C16orf95: variants seen among roughly 807,000 people sequenced by gnomAD.
The protein encoded by C16orf95 is chromosome 16 open reading frame 95.
C16orf95 carries 41 observed loss-of-function variants against 32.1 expected under a neutral mutation model. That is an observed-to-expected ratio of 1.28 (90% CI 1.00 to 1.66). The LOEUF (loss-of-function observed/expected upper bound fraction) is 1.66, where lower values mean the gene tolerates loss of function less well. Among genes scored for constraint, C16orf95 ranks in the 40% most tolerant of loss-of-function variants. The probability of loss-of-function intolerance (pLI) is 0.00; values close to 1 mark genes in which losing one functional copy is unlikely to be tolerated. For synonymous variants in C16orf95, 147 were observed against 128.9 expected (o/e 1.14, Z -0.95); for missense variants, 399 against 325.9 (o/e 1.22, Z -1.73).
intron 3 of C16orf95, among the ~76,000 whole-genome samples, 196 bp downstream of exon 3, chr16:87,314,775 G>C (rs1455307058): frequency 6.6e-6 from 1 of 152,178 alleles, no homozygotes; most frequent in African/African-American, 2.4e-5. Flanking sequence ...TGTGTGAGGT[G>C]TGCCTCCCTC....
chr16:87,315,873 G>A (rs1458248501), intron 1 of C16orf95, 50 bp from the exon 2 acceptor site: 7 of 1,403,264 alleles, frequency 5.0e-6, no homozygotes, highest in Non-Finnish European at 6.7e-6. Context: ...CTAGGGGGCA[G>A]GGATGCTAGA....
At chr16:87,308,636 G>A (rs1344434341) in intron 5 of C16orf95, among the ~76,000 whole-genome samples, 3 of 152,162 alleles carry the variant, frequency 2.0e-5, no homozygotes, top group South Asian at 2.1e-4. Context: ...TACCACGATG[G>A]GACCACGTTC....
chr16:87,312,852 A>G (rs1239775596), intron 3 of C16orf95, among the ~76,000 whole-genome samples: 3 of 152,230 alleles, frequency 2.0e-5, no homozygotes, highest in African/African-American at 7.2e-5. Context: ...GAATACAAGA[A>G]CAATAGACAA....
At chr16:87,311,404 A>C in intron 3 of C16orf95, 108 bp from the exon 4 acceptor site, 1 of 1,214,568 alleles carries the variant, frequency 8.2e-7, no homozygotes, top group Non-Finnish European at 1.1e-6. Flanking sequence ...GCTGGGTCTT[A>C]GTATCAGGGC....
rs752608423 is a variant in C16orf95, at chr16:87,311,270, G to T, written c.357C>A (p.Ile119=). Residue 119 remains isoleucine (I), a synonymous_variant, in exon 4 of 7, where the codon ATC becomes ATA. Coordinates refer to ENST00000567970, the MANE Select transcript of C16orf95 (RefSeq NM_001195124.3). ...KQSQKTVQFP[I]PQTAKMCPCL... is the part of the protein sequence containing the mutation. The stretch of plus-strand genomic sequence containing the variant: ...AGGGGCACATCTTGGCGGTTTGGGG[G>T]ATAGGAAATTGAACCGTCTTTTGAC... The T allele has an allele frequency of 7.8e-6, 12 of 1,535,082 alleles. No individual in the cohort carries two copies. In the South Asian group the frequency reaches 9.5e-5, roughly 12 times the overall value.
rs1911270364 is a variant in C16orf95, at chr16:87,311,226, C to T, written c.401G>A (p.Gly134Glu). 6.5e-7 allele frequency: 1 copy of T among 1,535,764 alleles called. No individual in the cohort carries two copies. The highest frequency in any genetic ancestry group is 2.0e-5 in the Admixed American group (1 of 50,978). ...KMCPCLCHRFGGRLPMPRDQA... is the reference protein window; with the variant it reads ...KMCPCLCHRFEGRLPMPRDQA... ...GTCCCTAGGCATCGGGAGGCGGCCC[C>T]CAAAGCGGTGGCATAGGCAGGGGCA... Residue 134 changes from glycine to glutamate, a missense_variant, in exon 4 of 7, where the codon GGG (glycine) becomes GAG (glutamate). Gly to Glu is a moderately conservative substitution (Grantham distance 98). Transcript: ENST00000567970.
Position 87,305,796 on chromosome 16 carries a change from C to G in C16orf95, c.624G>C (p.Pro208=). The change falls in exon 6 of 7, where the codon CCG becomes CCC. Residue 208 remains proline, a synonymous_variant. Transcript: ENST00000567970. This position sits in a 1 kb window ranked among gnomAD's most constrained non-coding sequence, Gnocchi z 4.2. ...QLQAPYQDQL[P]APAARLLPLG... is the part of the protein sequence containing the mutation. ...GGGGCAGCAGACGCGCTGCAGGAGCCGGTAGCTGGTCCTGGTAGGGGGCCT... is the reference window on the plus strand; with the variant it reads ...GGGGCAGCAGACGCGCTGCAGGAGCGGGTAGCTGGTCCTGGTAGGGGGCCT... 6.6e-7 allele frequency: 1 copy of G among 1,516,676 alleles called. No homozygotes were observed. Among genetic ancestry groups the G allele is most frequent in the Non-Finnish European group, 8.8e-7 (1 of 1,137,384 alleles). 94.0% of individuals were successfully genotyped at this position (1,516,676 alleles called of 1,614,324 possible). A position where few individuals can be genotyped will look rare whatever the true frequency, so the allele number is the denominator to read the frequency against.
Position 87,305,739 on chromosome 16 carries a change from C to G in C16orf95, c.681G>C (p.Pro227=), listed in dbSNP as rs746644093. ...LGLLTLLQAI[P]RVIMAIRQCF... ...CTCACCGAATGGCCATGATGACCCT[C>G]GGGATGGCCTGGAGGAGGGTCAGGA... is the stretch of plus-strand genomic sequence containing the variant. The change falls in exon 6 of 7, where the codon CCG becomes CCC. Residue 227 remains proline, a synonymous_variant. Transcript: ENST00000567970. The surrounding 1 kb of genome is among the most constrained non-coding windows in gnomAD (Gnocchi z 4.2). 1 of 1,511,220 alleles carries G rather than the reference C, an allele frequency of 6.6e-7. No homozygotes were observed. The highest frequency in any genetic ancestry group is 2.7e-5 in the East Asian group (1 of 37,264). The allele number at this position is 1,511,220 out of a possible 1,614,324, so 93.6% of individuals were successfully genotyped here.
At chr16:87,313,973 A>G (rs1911394512) in intron 3 of C16orf95, among the ~76,000 whole-genome samples, 1 of 152,192 alleles carries the variant, frequency 6.6e-6, no homozygotes, top group Non-Finnish European at 1.5e-5. Context: ...AATGAAAACT[A>G]CGATGAGACA....
chr16:87,306,119 T>G (rs754326049), intron 5 of C16orf95: 2 of 413,690 alleles, frequency 4.8e-6, no homozygotes, highest in African/African-American at 4.1e-5. Context: ...CTTGGGGCTG[T>G]TTTTCAAGAG....
At position 87,305,807 on chromosome 16, in the gene C16orf95, C is replaced by G. The variant is rs1299292228; in HGVS notation, c.613G>C (p.Asp205His). The G allele has an allele frequency of 6.6e-7, 1 of 1,513,218 alleles. No individual in the cohort carries two copies. The highest frequency in any genetic ancestry group is 2.6e-5 in the East Asian group (1 of 38,886). The allele number at this position is 1,513,218 out of a possible 1,614,324, so 93.7% of individuals were successfully genotyped here. A position where few individuals can be genotyped will look rare whatever the true frequency, so the allele number is the denominator to read the frequency against. ...KFQQLQAPYQ[D>H]QLPAPAARLL... ...CGCGCTGCAGGAGCCGGTAGCTGGT[C>G]CTGGTAGGGGGCCTGGAGCTGCTGG... The change falls in exon 6 of 7, where the codon GAC (aspartate) becomes CAC (histidine). Residue 205 changes from aspartate (D) to histidine (H), a missense_variant. Transcript: ENST00000567970. This position sits in a 1 kb window ranked among gnomAD's most constrained non-coding sequence, Gnocchi z 4.2.
In C16orf95 at chr16:87,302,945, G is replaced by C. The variant is rs1461630783; in HGVS notation, c.*112C>G. The C allele has an allele frequency of 8.8e-7, 1 of 1,135,824 alleles. No individual in the cohort carries two copies. The highest frequency in any genetic ancestry group is 1.3e-6 in the Non-Finnish European group (1 of 782,056). The allele number at this position is 1,135,824 out of a possible 1,614,324, so 70.4% of individuals were successfully genotyped here. On this transcript the variant is annotated 3_prime_UTR_variant, in exon 7 of 7. Transcript: ENST00000567970. ...GGGTTGAATCCTGGGTGTGGATTCT[G>C]TTCTGAGAAGACAGCGACTGTCACA...
chr16:87,308,220 C>T (rs1597343579), intron 5 of C16orf95, among the ~76,000 whole-genome samples: 1 of 152,070 alleles, frequency 6.6e-6, no homozygotes, highest in South Asian at 2.1e-4. Flanking sequence ...CAGTGGTTCA[C>T]GCCTGTAATC....
intron 1 of C16orf95, 75 bp from the exon 2 acceptor site, chr16:87,315,898 C>A (rs1904322013): frequency 4.5e-6 from 5 of 1,103,346 alleles, no homozygotes; most frequent in Admixed American, 2.7e-5. Context: ...AGGCCTGGAC[C>A]TGTCTTCTCA....
chr16:87,315,068 C>G lies in C16orf95; in HGVS notation c.233G>C (p.Cys78Ser), dbSNP rs1480297673. 6.5e-7 allele frequency: 1 copy of G among 1,536,138 alleles called. No homozygotes were observed. Among genetic ancestry groups the G allele is most frequent in the Non-Finnish European group, 8.7e-7 (1 of 1,146,898 alleles). ...GCCCCCGAATCTGGTCTGGCATTCA[C>G]AGCAGATGGCCCAGGGGCCAGGGTG... ...SMHPGPWAIC[C>S]ECQTRFGGRL... The change falls in exon 3 of 7, where the codon TGT (cysteine) becomes TCT (serine). Residue 78 changes from cysteine to serine, a missense_variant. Transcript: ENST00000567970.
intron 5 of C16orf95, among the ~76,000 whole-genome samples, chr16:87,306,919 T>A (rs190790880): frequency 6.6e-6 from 1 of 152,376 alleles, no homozygotes; most frequent in African/African-American, 2.4e-5. Flanking sequence ...TTTTAGCTTT[T>A]CTTAAAAGAT....
Position 87,314,903 on chromosome 16 carries a change from A to C in C16orf95, c.330+68T>G, listed in dbSNP as rs115960184. The C allele has an allele frequency of 2.3e-4, 312 of 1,333,090 alleles. No homozygotes were observed. The African/African-American group carries it at 4.4e-3, about 19-fold the overall frequency. 82.6% of individuals were successfully genotyped at this position (1,333,090 alleles called of 1,614,324 possible). ...CATTCATATAATACTTCTAATTCTG[A>C]GGGGTGACTGGTCAACTGACATTCA... is the stretch of plus-strand genomic sequence containing the variant. On this transcript the variant is annotated intron_variant, in intron 3 of 6. Transcript: ENST00000567970.
intron 5 of C16orf95, among the ~76,000 whole-genome samples, chr16:87,306,529 C>G (rs887507755): frequency 3.9e-5 from 6 of 152,014 alleles, no homozygotes; most frequent in Non-Finnish European, 7.4e-5. Flanking sequence ...CATAAATATA[C>G]TTTCCTTATG....
At position 87,310,295 on chromosome 16, in the gene C16orf95, A is replaced by T; in HGVS notation, c.514+2T>A. ...TATGAGACACACACACACTGGAGTT[A>T]CCTTGGATGCCTTTCAAACTCTGCT... is the stretch of plus-strand genomic sequence containing the variant. On this transcript the variant is annotated splice_donor_variant, in intron 5 of 6. Coordinates refer to ENST00000567970, the MANE Select transcript of C16orf95 (RefSeq NM_001195124.3). LOFTEE classifies it high-confidence loss of function. The T allele has an allele frequency of 6.5e-7, 1 of 1,536,116 alleles. No individual in the cohort carries two copies. The highest frequency in any genetic ancestry group is 2.4e-5 in the East Asian group (1 of 40,910).
Sources: gnomAD v4.1 joint callset for allele counts (sites outside exome capture counted in the v4.1 genomes callset) on GRCh38, gnomAD v4.1.1 for gene constraint, Gnocchi (gnomAD v3.1) non-coding constraint, MANE v1.5 for transcripts, NCBI Gene and HGNC (gene_info 2026-07-23, HGNC 2026-07-21) for gene names.